DMD: variants seen among roughly 807,000 people sequenced by gnomAD.
DMD encodes mutant dystrophin.
Under a neutral mutation model 330.1 loss-of-function variants are expected in DMD, and 63 were observed. The observed-to-expected ratio is 0.19, with a 90% confidence interval of 0.16 to 0.24. The LOEUF (loss-of-function observed/expected upper bound fraction) is 0.24. Ranked by LOEUF, DMD falls within the 10% of genes least tolerant of loss-of-function variation. The pLI, the probability that DMD is intolerant of heterozygous loss-of-function variation, is 1.00. For synonymous variants in DMD, 1,223 were observed against 959.8 expected (o/e 1.27, Z -5.07); for missense variants, 3,344 against 2,684.1 (o/e 1.25, Z -5.43).
chrX:32,638,028 G>A, intron 11 of DMD, among the ~76,000 whole-genome samples: 1 of 111,474 alleles, frequency 9.0e-6, no homozygotes, highest in East Asian at 2.8e-4. Flanking sequence ...TACAAGAGAT[G>A]TCCACATTTA....
rs946658130 is a variant in DMD at position 31,199,120 on chromosome X, A to C, written c.9807+4841T>G. 4.5e-5 allele frequency among the ~76,000 whole-genome samples: 5 copies of C among 112,071 alleles called. No individual in the cohort carries two copies. In the Admixed American group the frequency reaches 4.7e-4, roughly 11 times the overall value. On this transcript the variant is annotated intron_variant, in intron 67 of 78. Coordinates refer to ENST00000357033, the MANE Select transcript of DMD (RefSeq NM_004006.3). ...AAAGGAGAGGTGCAGAAAATCCTCA[A>C]GGTTCCTTCAGGCAGTCTATGTGAC...
intron 9 of DMD, among the ~76,000 whole-genome samples, chrX:32,666,993 C>T (rs1449896428): frequency 9.0e-6 from 1 of 111,029 alleles, no homozygotes; most frequent in Non-Finnish European, 1.9e-5. Flanking sequence ...AAGCATTGTT[C>T]ACAGTAGCCA....
intron 2 of DMD, among the ~76,000 whole-genome samples, chrX:32,886,327 A>T (rs112097649): frequency 0.025 from 2,733 of 109,898 alleles, 84 homozygotes; most frequent in African/African-American, 0.075. Flanking sequence ...AACTGGTAAA[A>T]AATAATAATA....
chrX:33,061,352 A>G (rs2148077271), intron 1 of DMD, among the ~76,000 whole-genome samples: 1 of 112,353 alleles, frequency 8.9e-6, no homozygotes, highest in Admixed American at 9.5e-5. Flanking sequence ...AGATCATAGT[A>G]TGCAGATTTT....
intron 45 of DMD, among the ~76,000 whole-genome samples, chrX:31,934,700 T>C (rs759217590): frequency 1.8e-5 from 2 of 111,393 alleles, no homozygotes; most frequent in African/African-American, 3.3e-5. Flanking sequence ...GTATATTTTG[T>C]TGTCTCATAT....
In DMD at chrX:31,336,358, C is replaced by G. The variant is rs2057403100; in HGVS notation, c.9163+12198G>C. The stretch of plus-strand genomic sequence containing the variant: ...GCTACTGGCATGTAGTGAGTAGAGG[C>G]CAGAGATAATGCACAGGACAGCCCC... On this transcript the variant is annotated intron_variant, in intron 61 of 78. Transcript: ENST00000357033. Among the ~76,000 whole-genome samples the G allele has an allele frequency of 2.7e-5, 3 of 111,848 alleles. No individual in the cohort carries two copies. The South Asian group carries it at 1.1e-3, about 42-fold the overall frequency.
intron 12 of DMD, among the ~76,000 whole-genome samples, chrX:32,598,599 A>G: frequency 1.8e-5 from 2 of 112,195 alleles, no homozygotes; most frequent in African/African-American, 6.5e-5. Flanking sequence ...CACAATTTTA[A>G]TATATTTTAC....
chrX:31,169,292 A>AGG (rs1491396062), intron 74 of DMD, 151 bp downstream of exon 74: 2 of 443,713 alleles, frequency 4.5e-6, no homozygotes, highest in Non-Finnish European at 7.7e-6. Context: ...AAAAAAAAAA[A>AGG]GAGAGAGAGA....
chrX:32,011,904 A>C (rs1293899), intron 44 of DMD, among the ~76,000 whole-genome samples: 12,982 of 111,040 alleles, frequency 0.12, 1,102 homozygotes, highest in African/African-American at 0.3. Flanking sequence ...TTGTTTTTTA[A>C]CCATTTTTTC....
intron 1 of DMD, among the ~76,000 whole-genome samples, chrX:33,197,922 G>T (rs1321218579): frequency 1.8e-5 from 2 of 110,904 alleles, no homozygotes; most frequent in African/African-American, 6.6e-5. Context: ...TCAATTTTCT[G>T]GGATAAATAT....
At chrX:31,128,382 G>A (rs903921077) in intron 77 of DMD, among the ~76,000 whole-genome samples, 1 of 111,448 alleles carries the variant, frequency 9.0e-6, no homozygotes, top group Non-Finnish European at 1.9e-5. Context: ...ACCAAGAGGA[G>A]TCCTTCTGTG....
rs767300805 is a variant in DMD, at chrX:31,721,685, A to ACTCTCTCT, written c.7660+7938_7660+7945dup. On this transcript the variant is annotated intron_variant, in intron 52 of 78. Coordinates refer to ENST00000357033, the MANE Select transcript of DMD (RefSeq NM_004006.3). ...TATTACCAATCTCTCTCTCTCTCTC[A>ACTCTCTCT]CTCTCTCTCTCTCTCTCTCTCTCTC... Among the ~76,000 whole-genome samples, 316 of 39,430 alleles carry ACTCTCTCT rather than the reference A, an allele frequency of 8.0e-3. 2 individuals carry two copies. The highest frequency in any genetic ancestry group is 0.033 in the East Asian group (43 of 1,297). The allele number at this position is 39,430 out of a possible 115,157, so 34.2% of individuals were successfully genotyped here. A position where few individuals can be genotyped will look rare whatever the true frequency, so the allele number is the denominator to read the frequency against.
At position 32,945,218 on chromosome X, in the gene DMD, T is replaced by C. The variant is rs542471575; in HGVS notation, c.93+74921A>G. Among the ~76,000 whole-genome samples the C allele has an allele frequency of 1.2e-4, 13 of 111,612 alleles. 1 individual carries two copies. In the South Asian group the frequency reaches 4.9e-3, roughly 42 times the overall value. On this transcript the variant is annotated intron_variant, in intron 2 of 78. Coordinates refer to ENST00000357033, the MANE Select transcript of DMD (RefSeq NM_004006.3). Reference sequence around the variant, plus strand: ...AAGGCTTGTATATCACCAAATTTCATGCTAAATAAATTCACAGTAATTTCA... The same window carrying C: ...AAGGCTTGTATATCACCAAATTTCACGCTAAATAAATTCACAGTAATTTCA...
chrX:32,610,820 A>G (rs2057110563), intron 12 of DMD, among the ~76,000 whole-genome samples: 1 of 111,049 alleles, frequency 9.0e-6, no homozygotes, highest in Admixed American at 9.6e-5. Context: ...CTCTAAGGTT[A>G]CTGATGCATT....
intron 1 of DMD, among the ~76,000 whole-genome samples, chrX:33,169,244 G>T (rs1307095300): frequency 9.0e-6 from 1 of 111,553 alleles, no homozygotes; most frequent in African/African-American, 3.2e-5. Context: ...TACTAGACAC[G>T]AAGGCCTCTG....
At chrX:31,828,470 C>A (rs2092940199) in intron 49 of DMD, among the ~76,000 whole-genome samples, 1 of 109,640 alleles carries the variant, frequency 9.1e-6, no homozygotes, top group South Asian at 3.9e-4. Flanking sequence ...TCGAGACCTG[C>A]CTGGCCAACA....
chrX:32,342,039 G>A (rs1291197702), intron 41 of DMD, 61 bp downstream of exon 41: 6 of 1,057,634 alleles, frequency 5.7e-6, no homozygotes, highest in African/African-American at 5.6e-5. Flanking sequence ...TTTATTAGTA[G>A]GCCTCTGTTA....
At chrX:32,222,053 C>T (rs1473323655) in intron 43 of DMD, among the ~76,000 whole-genome samples, 1 of 111,668 alleles carries the variant, frequency 9.0e-6, no homozygotes, top group Non-Finnish European at 1.9e-5. Context: ...TAAACATATG[C>T]GTGCAAGTGT....
intron 7 of DMD, among the ~76,000 whole-genome samples, chrX:32,705,370 A>T (rs2064524213): frequency 8.9e-6 from 1 of 112,476 alleles, no homozygotes; most frequent in African/African-American, 3.2e-5. Context: ...GAATTTCATC[A>T]TAAAATTAAT....
Sources: allele counts gnomAD v4.1 joint callset (sites outside exome capture counted in the v4.1 genomes callset), GRCh38; gene constraint gnomAD v4.1.1; transcripts MANE v1.5; gene names NCBI Gene and HGNC (gene_info 2026-07-23, HGNC 2026-07-21).